DACH1: variants seen among roughly 807,000 people sequenced by gnomAD.
DACH1 encodes dachshund family transcription factor 1.
In DACH1, 12 loss-of-function variants were observed where a neutral mutation model predicts 54.2. The observed-to-expected ratio is 0.22, with a 90% CI of 0.14 to 0.36. DACH1 has a LOEUF of 0.36. DACH1 is among the 10% of genes least tolerant of loss of function. The pLI is 1.00. For synonymous variants in DACH1, 386 were observed against 366.2 expected, an observed-to-expected ratio of 1.05 and a Z score of -0.62; for missense variants, 805 against 929.8, an observed-to-expected ratio of 0.87 and a Z score of 1.75.
At chr13:71,466,223 C>G (rs1169041087) in intron 10 of DACH1, among the ~76,000 whole-genome samples, 1 of 152,052 alleles carries the variant, frequency 6.6e-6, no homozygotes, top group South Asian at 2.1e-4. Flanking sequence ...CTTTAGGGTC[C>G]CCTGCTAATA....
intron 3 of DACH1, among the ~76,000 whole-genome samples, chr13:71,600,945 T>C (rs1453464761): frequency 6.6e-6 from 1 of 151,974 alleles, no homozygotes. Context: ...CCAGTTATTT[T>C]TTTTTTTAAT....
At chr13:71,604,381 T>C (rs1258790264) in intron 3 of DACH1, among the ~76,000 whole-genome samples, 1 of 151,900 alleles carries the variant, frequency 6.6e-6, no homozygotes, top group East Asian at 1.9e-4. Flanking sequence ...TTTTTCAACT[T>C]TCCACAGTGG....
chr13:71,548,178 T>A (rs1232420659), intron 6 of DACH1, among the ~76,000 whole-genome samples: 2 of 152,218 alleles, frequency 1.3e-5, no homozygotes, highest in African/African-American at 2.4e-5. Flanking sequence ...AATTTATTTG[T>A]ATTTAGTGAT....
rs140098976 is a variant in DACH1, at chr13:71,597,691, A to C, written c.1127-24679T>G. Among the ~76,000 whole-genome samples, 70 of 152,324 alleles carry C rather than the reference A, an allele frequency of 4.6e-4. 1 individual carries two copies. In the East Asian group the frequency reaches 0.012, roughly 26 times the overall value. ...TGCCTCAGTTCCCTACTAGGTCAAA[A>C]GATGATCATCACTGTCCCTACCTTC... On this transcript the variant is annotated intron_variant, in intron 3 of 10. Coordinates refer to ENST00000613252, the MANE Select transcript of DACH1 (RefSeq NM_080759.6).
chr13:71,502,175 T>C (rs563490620), intron 6 of DACH1, among the ~76,000 whole-genome samples: 3 of 152,162 alleles, frequency 2.0e-5, no homozygotes, highest in Non-Finnish European at 4.4e-5. Context: ...TCCTCCGCCT[T>C]AGGACTTGAC....
intron 1 of DACH1, among the ~76,000 whole-genome samples, chr13:71,769,032 C>T (rs1257565040): frequency 6.6e-6 from 1 of 151,676 alleles, no homozygotes. Flanking sequence ...TAGCAGTTCT[C>T]TCAGATTTGT....
intron 1 of DACH1, among the ~76,000 whole-genome samples, chr13:71,703,766 T>C (rs936775882): frequency 1.3e-5 from 2 of 152,192 alleles, no homozygotes; most frequent in African/African-American, 4.8e-5. Context: ...AAGTTAATTC[T>C]GCATTCACCC....
At chr13:71,449,543 A>G (rs1334658100) in intron 10 of DACH1, among the ~76,000 whole-genome samples, 2 of 151,608 alleles carry the variant, frequency 1.3e-5, no homozygotes, top group Non-Finnish European at 2.9e-5. Flanking sequence ...GGGCTAGGGG[A>G]GGGAGAGCAT....
chr13:71,618,497 T>TG (rs1254870887), intron 3 of DACH1, among the ~76,000 whole-genome samples: 2 of 152,048 alleles, frequency 1.3e-5, no homozygotes, highest in Non-Finnish European at 2.9e-5. Context: ...CTTGTATTAC[T>TG]TTTTTCCTTG....
intron 1 of DACH1, among the ~76,000 whole-genome samples, chr13:71,827,783 T>C (rs1291316562): frequency 1.3e-5 from 2 of 152,068 alleles, no homozygotes; most frequent in Non-Finnish European, 2.9e-5. Context: ...GTCATAAATA[T>C]ATAGCTGATT....
intron 1 of DACH1, among the ~76,000 whole-genome samples, chr13:71,829,024 ATTCAG>A (rs1888486875): frequency 6.6e-6 from 1 of 152,036 alleles, no homozygotes. Flanking sequence ...CTAATCTGAC[ATTCAG>A]TTCACATTTA....
At chr13:71,735,281 TATG>T (rs1884000252) in intron 1 of DACH1, among the ~76,000 whole-genome samples, 1 of 87,372 alleles carries the variant, frequency 1.1e-5, no homozygotes, top group African/African-American at 3.3e-5. Context: ...CACGTATGTA[TATG>T]GGATATACAC....
At chr13:71,485,765 T>C (rs1019013483) in intron 7 of DACH1, among the ~76,000 whole-genome samples, 2 of 151,280 alleles carry the variant, frequency 1.3e-5, no homozygotes, top group African/African-American at 4.8e-5. Flanking sequence ...ACATTTTTAG[T>C]AGAGACAGGG....
At chr13:71,748,860 TTC>T (rs1170985429) in intron 1 of DACH1, among the ~76,000 whole-genome samples, 1 of 23,550 alleles carries the variant, frequency 4.2e-5, no homozygotes, top group East Asian at 4.1e-4. Flanking sequence ...CTTTCTTTCT[TTC>T]TTTCTTTCTT....
At chr13:71,619,326 T>C (rs994899008) in intron 3 of DACH1, among the ~76,000 whole-genome samples, 3 of 151,902 alleles carry the variant, frequency 2.0e-5, no homozygotes, top group African/African-American at 7.2e-5. Context: ...TTCATTTCCA[T>C]CACAGTTTCA....
At chr13:71,451,475 G>A (rs1226570946) in intron 10 of DACH1, among the ~76,000 whole-genome samples, 14 of 150,370 alleles carry the variant, frequency 9.3e-5, no homozygotes, top group Non-Finnish European at 1.5e-5. Context: ...GCCACAAAAT[G>A]AGGAGAAGAT....
At chr13:71,688,488 TG>T (rs770238572) in intron 1 of DACH1, among the ~76,000 whole-genome samples, 18 of 152,216 alleles carry the variant, frequency 1.2e-4, no homozygotes, top group Non-Finnish European at 2.6e-4. Flanking sequence ...CTTTTTAAAA[TG>T]GTGACTAATG....
chr13:71,833,468 T>C lies in DACH1; in HGVS notation c.848+32454A>G, dbSNP rs369885448. Among the ~76,000 whole-genome samples, 87 of 152,158 alleles carry C rather than the reference T, an allele frequency of 5.7e-4. No homozygotes were observed. The Middle Eastern group carries it at 0.02, about 36-fold the overall frequency. On this transcript the variant is annotated intron_variant, in intron 1 of 10. Coordinates refer to ENST00000613252, the MANE Select transcript of DACH1 (RefSeq NM_080759.6). The stretch of plus-strand genomic sequence containing the variant: ...GAATGATGGAAAACAACGATGTTGA[T>C]AGACTAAAACAGAGATTTATAAACA...
intron 6 of DACH1, among the ~76,000 whole-genome samples, chr13:71,519,897 A>G (rs900733895): frequency 6.1e-5 from 8 of 131,938 alleles, no homozygotes; most frequent in South Asian, 2.4e-4. Context: ...ATATATATAT[A>G]TATATATATA....
Sources: gnomAD v4.1 joint callset for allele counts (sites outside exome capture counted in the v4.1 genomes callset) on GRCh38, gnomAD v4.1.1 for gene constraint, MANE v1.5 for transcripts, NCBI Gene and HGNC (gene_info 2026-07-23, HGNC 2026-07-21) for gene names.